The following POLRMT variants were observed in gnomAD, a reference collection of about 807,000 sequenced individuals.
POLRMT encodes the protein RNA polymerase mitochondrial, also known as DNA-directed RNA polymerase, mitochondrial.
Under a neutral mutation model 132.2 loss-of-function variants are expected in POLRMT, and 114 were observed. That is an observed-to-expected ratio of 0.86 (90% CI 0.74 to 1.01). The LOEUF (loss-of-function observed/expected upper bound fraction) is 1.01. Ranked by LOEUF, POLRMT falls within the 50% of genes least tolerant of loss-of-function variation. The pLI, the probability that POLRMT is intolerant of heterozygous loss-of-function variation, is 0.00. For missense variants in POLRMT, 2,003 were observed against 1,729.1 expected, an observed-to-expected ratio of 1.16 and a Z score of -2.81; for synonymous variants, 1,020 against 773.4, an observed-to-expected ratio of 1.32 and a Z score of -5.29.
At chr19:618,614 G>C (rs749934310) in intron 16 of POLRMT, 28 bp from the exon 17 acceptor site, 10 of 1,600,528 alleles carry the variant, frequency 6.2e-6, no homozygotes, top group Non-Finnish European at 8.5e-6. Flanking sequence ...GCCGGTGGGG[G>C]CGGCCCAGGG....
rs1984802418 is a variant in POLRMT, at chr19:623,589, G to A, written c.1155C>T (p.Ser385=). The part of the protein sequence containing the change: ...RDVYAKDGRV[S]YPKLHLPLKT... ...TCAAGGGCAGGTGCAGCTTCGGGTAGGACACACGCCCATCCTGCAGGGATG... is the reference window on the plus strand; with the variant it reads ...TCAAGGGCAGGTGCAGCTTCGGGTAAGACACACGCCCATCCTGCAGGGATG... Residue 385 remains serine, a synonymous_variant, in exon 6 of 21, where the codon TCC becomes TCT. Transcript: ENST00000588649. 6.2e-7 allele frequency: 1 copy of A among 1,613,672 alleles called. No individual in the cohort carries two copies. The highest frequency in any genetic ancestry group is 1.3e-5 in the African/African-American group (1 of 75,066).
chr19:619,212 G>A lies in POLRMT; in HGVS notation c.3151C>T (p.Gln1051Ter). ...AGCGGGGACAGGACAGGACGTACCT[G>A]GATGGCCCGGGTCCCCGAGAACATC... ...QEMFSGTRAI[Q>*]HWLTESARLI... The change falls in exon 14 of 21, where the codon CAG becomes TAG. Residue 1051 changes from glutamine (Q) to a stop codon, truncating the protein, a stop_gained and splice_region_variant. Coordinates refer to ENST00000588649, the MANE Select transcript of POLRMT (RefSeq NM_005035.4). LOFTEE classifies it high-confidence loss of function. 6.2e-7 allele frequency: 1 copy of A among 1,611,342 alleles called. No homozygotes were observed. The highest frequency in any genetic ancestry group is 8.5e-7 in the Non-Finnish European group (1 of 1,179,466).
At chr19:631,824 C>T (rs1985440037) in intron 2 of POLRMT, among the ~76,000 whole-genome samples, 2 of 152,150 alleles carry the variant, frequency 1.3e-5, no homozygotes, top group Admixed American at 1.3e-4. Context: ...TCACCGCAAC[C>T]TCCACCTTCC....
At chr19:629,109 A>G (rs923412326) in intron 3 of POLRMT, among the ~76,000 whole-genome samples, 2 of 152,202 alleles carry the variant, frequency 1.3e-5, no homozygotes, top group Admixed American at 6.5e-5. Context: ...CTGTGCTCAG[A>G]GGGAATGCGG....
intron 3 of POLRMT, among the ~76,000 whole-genome samples, chr19:625,825 C>T (rs988901626): frequency 2.0e-5 from 3 of 151,978 alleles, no homozygotes; most frequent in Non-Finnish European, 4.4e-5. Flanking sequence ...GCCTCAGCCT[C>T]CTGAGTAGCT....
At position 632,962 on chromosome 19, in the gene POLRMT, G is replaced by A. The variant is rs1478737506; in HGVS notation, c.89-24C>T. Reference sequence around the variant, plus strand: ...CCCTGCGGGAAAGACGAGAGCGGCTGAGCGGGGCCGGGCGTGTGGGCGGGG... The same window carrying A: ...CCCTGCGGGAAAGACGAGAGCGGCTAAGCGGGGCCGGGCGTGTGGGCGGGG... On this transcript the variant is annotated intron_variant, in intron 1 of 20. Transcript: ENST00000588649. The A allele has an allele frequency of 2.7e-6, 4 of 1,469,142 alleles. No homozygotes were observed. In the African/African-American group the frequency reaches 4.4e-5, roughly 16 times the overall value. The allele number at this position is 1,469,142 out of a possible 1,614,324, so 91.0% of individuals were successfully genotyped here. A position where few individuals can be genotyped will look rare whatever the true frequency, so the allele number is the denominator to read the frequency against.
intron 3 of POLRMT, among the ~76,000 whole-genome samples, chr19:626,762 G>A (rs1385514641): frequency 1.3e-5 from 2 of 150,324 alleles, no homozygotes; most frequent in Non-Finnish European, 2.9e-5. Context: ...TGGGAGCCTG[G>A]GGCAGGAGAA....
chr19:619,138 G>C, intron 14 of POLRMT, 28 bp from the exon 15 acceptor site: 1 of 1,610,412 alleles, frequency 6.2e-7, no homozygotes, highest in Non-Finnish European at 8.5e-7. Flanking sequence ...TCTCAGGGCA[G>C]GGGGCTCAGG....
chr19:624,370 C>T (rs1055243607), intron 5 of POLRMT, among the ~76,000 whole-genome samples: 18 of 152,192 alleles, frequency 1.2e-4, no homozygotes, highest in Admixed American at 5.2e-4. Context: ...ACACTAAAAT[C>T]GCTGAATTAC....
rs200464362 is a variant in POLRMT, at chr19:630,001, G to A, written c.361C>T (p.Arg121Cys). 8.4e-5 allele frequency: 135 copies of A among 1,613,778 alleles called. 1 individual carries two copies. The South Asian group carries it at 1.2e-3, about 15-fold the overall frequency. ...AKDATPVPCG[R>C]WAKILEKDKR... ...TCCTTCTCCAGTATCTTTGCCCAGCGGCCACAGGGCACCGGGGTGGCATCC... is the reference window on the plus strand; with the variant it reads ...TCCTTCTCCAGTATCTTTGCCCAGCAGCCACAGGGCACCGGGGTGGCATCC... The change falls in exon 3 of 21, where the codon CGC (arginine) becomes TGC (cysteine). Residue 121 changes from arginine to cysteine, a missense_variant. Physicochemically the swap from Arg to Cys is radical, Grantham distance 180. Transcript: ENST00000588649.
At chr19:622,444 A>T in intron 8 of POLRMT, 71 bp from the exon 9 acceptor site, 1 of 1,470,682 alleles carries the variant, frequency 6.8e-7, no homozygotes, top group South Asian at 1.4e-5. Flanking sequence ...CCCGTGCCTG[A>T]CGCCCGGTGG....
At chr19:631,977 G>T (rs978637898) in intron 2 of POLRMT, among the ~76,000 whole-genome samples, 15 of 152,188 alleles carry the variant, frequency 9.9e-5, no homozygotes, top group Non-Finnish European at 1.5e-4. Flanking sequence ...GTTTCACCAT[G>T]TTGGCCAGGC....
chr19:617,549 T>A lies in POLRMT; in HGVS notation c.3581+21A>T, dbSNP rs763945307. The A allele has an allele frequency of 1.9e-6, 3 of 1,610,534 alleles. No individual in the cohort carries two copies. In the African/African-American group the frequency reaches 4.0e-5, roughly 22 times the overall value. ...GGGGTGGGGGGGGAATCCAGGTAGT[T>A]GGGGTCAGGGAGCGCCTTACTCAGA... On this transcript the variant is annotated intron_variant, in intron 19 of 20. Transcript: ENST00000588649.
In POLRMT at chr19:621,678, C is replaced by T; in HGVS notation, c.2020G>A (p.Val674Met). Reference protein sequence around the residue: ...LLSPTKLMRTVEGATQHQELL... With the variant: ...LLSPTKLMRTMEGATQHQELL... ...TCCTGGTGCTGCGTGGCGCCTTCCA[C>T]CGTGCGCATCAGCTTGGTGGGGCTG... is the stretch of plus-strand genomic sequence containing the variant. The change falls in exon 10 of 21, where the codon GTG becomes ATG. Residue 674 changes from valine to methionine, a missense_variant. Val to Met is a conservative substitution (Grantham distance 21). Transcript: ENST00000588649. 1 of 1,566,424 alleles carries T rather than the reference C, an allele frequency of 6.4e-7. No homozygotes were observed. The highest frequency in any genetic ancestry group is 8.6e-7 in the Non-Finnish European group (1 of 1,158,922).
In POLRMT at chr19:632,932, G is replaced by C. The variant is rs1285849849; in HGVS notation, c.95C>G (p.Ala32Gly). ...RPGLPGKEGT[A>G]GGVCGPRRSS... The stretch of plus-strand genomic sequence containing the variant: ...CCTCCTGGGGCCGCAGACGCCACCG[G>C]CGGTCCCTGCGGGAAAGACGAGAGC... Residue 32 changes from alanine (A) to glycine (G), a missense_variant, in exon 2 of 21, where the codon GCC becomes GGC. Coordinates refer to ENST00000588649, the MANE Select transcript of POLRMT (RefSeq NM_005035.4). 1 of 1,509,676 alleles carries C rather than the reference G, an allele frequency of 6.6e-7. No homozygotes were observed. The highest frequency in any genetic ancestry group is 1.4e-5 in the African/African-American group (1 of 70,464). 93.5% of individuals were successfully genotyped at this position (1,509,676 alleles called of 1,614,324 possible). A position where few individuals can be genotyped will look rare whatever the true frequency, so the allele number is the denominator to read the frequency against.
intron 3 of POLRMT, among the ~76,000 whole-genome samples, chr19:627,146 G>A (rs1307866622): frequency 7.4e-6 from 1 of 134,792 alleles, no homozygotes; most frequent in Non-Finnish European, 1.6e-5. Flanking sequence ...GAGTTTTGGG[G>A]CATTTTTTTT....
intron 4 of POLRMT, 99 bp downstream of exon 4, chr19:625,025 C>A: frequency 6.6e-7 from 1 of 1,518,990 alleles, no homozygotes; most frequent in Non-Finnish European, 8.9e-7. Flanking sequence ...GCTGTCAGGC[C>A]CTCTGGGGGT....
chr19:620,599 G>A (rs2144599649), intron 10 of POLRMT, 112 bp from the exon 11 acceptor site: 3 of 1,294,156 alleles, frequency 2.3e-6, no homozygotes, highest in Non-Finnish European at 2.1e-6. Context: ...ACCCGTGATA[G>A]TGAACACGGG....
At chr19:619,165 C>A (rs372029081) in intron 14 of POLRMT, 45 bp downstream of exon 14, 2 of 1,610,342 alleles carry the variant, frequency 1.2e-6, no homozygotes, top group Non-Finnish European at 1.7e-6. Flanking sequence ...ATCCCGTCCA[C>A]TTGCTTAGGG....
Sources: gnomAD v4.1 joint callset for allele counts (sites outside exome capture counted in the v4.1 genomes callset) on GRCh38, gnomAD v4.1.1 for gene constraint, MANE v1.5 for transcripts, NCBI Gene and HGNC (gene_info 2026-07-23, HGNC 2026-07-21) for gene names.